Variants in GMDS observed in about 807,000 individuals in gnomAD.
GMDS encodes GDP-mannose 4,6 dehydratase.
In GMDS, 20 loss-of-function variants were observed where a neutral mutation model predicts 49.9. The ratio of observed to expected loss-of-function variants is 0.40; its 90% CI spans 0.28 to 0.58. The LOEUF (loss-of-function observed/expected upper bound fraction) is 0.58, where lower values mean the gene tolerates loss of function less well. Among genes scored for constraint, GMDS ranks in the 20% least tolerant of loss-of-function variants. GMDS has a pLI of 0.42. For synonymous variants in GMDS, 177 were observed against 178.6 expected (o/e 0.99, Z 0.07); for missense variants, 362 against 481.4 (o/e 0.75, Z 2.32).
At chr6:2,000,027 A>C (rs187006762) in intron 4 of GMDS, among the ~76,000 whole-genome samples, 180 of 11,454 alleles carry the variant, frequency 0.016, 13 homozygotes, top group South Asian at 0.04. Context: ...ATATATATAT[A>C]TCTATATCTT....
intron 4 of GMDS, among the ~76,000 whole-genome samples, chr6:2,004,301 T>G (rs1767017865): frequency 6.6e-6 from 1 of 152,180 alleles, no homozygotes; most frequent in Admixed American, 6.5e-5. Context: ...CTGGATATAG[T>G]GCTTTGTGGA....
At chr6:2,030,978 G>A (rs754263539) in intron 4 of GMDS, among the ~76,000 whole-genome samples, 1 of 152,052 alleles carries the variant, frequency 6.6e-6, no homozygotes, top group East Asian at 1.9e-4. Context: ...TCTCTCACAC[G>A]TAAAGATGAT....
chr6:2,109,336 C>T (rs753867945), intron 4 of GMDS, among the ~76,000 whole-genome samples: 28 of 152,072 alleles, frequency 1.8e-4, no homozygotes, highest in Non-Finnish European at 2.9e-4. Context: ...GGTCAGGGGG[C>T]CTCACGGAGA....
At chr6:1,632,071 G>C (rs181714248) in intron 9 of GMDS, among the ~76,000 whole-genome samples, 130 of 152,244 alleles carry the variant, frequency 8.5e-4, no homozygotes, top group African/African-American at 3.1e-3. Context: ...TTCATGAGAG[G>C]AACAAAGTCC....
At chr6:2,209,754 A>C (rs895184849) in intron 1 of GMDS, among the ~76,000 whole-genome samples, 1 of 152,152 alleles carries the variant, frequency 6.6e-6, no homozygotes, top group African/African-American at 2.4e-5. Context: ...ATAATTTTAA[A>C]ATTGGGAGGA....
rs561502140 is a variant in GMDS, at chr6:1,677,340, T to C, written c.987+49076A>G. ...AGAAATAGGATGTGGAGAAATACAC[T>C]GTTGGTGGGACTGTAAACTAGTTCA... On this transcript the variant is annotated intron_variant, in intron 9 of 10. Transcript: ENST00000380815. Among the ~76,000 whole-genome samples the C allele has an allele frequency of 2.0e-5, 3 of 152,332 alleles. No homozygotes were observed. In the East Asian group the frequency reaches 5.8e-4, roughly 29 times the overall value.
chr6:2,084,729 G>A (rs1186184877), intron 4 of GMDS, among the ~76,000 whole-genome samples: 1 of 152,002 alleles, frequency 6.6e-6, no homozygotes, highest in Non-Finnish European at 1.5e-5. Context: ...GGATGGTCTC[G>A]ATCTCCTGAC....
At chr6:1,983,127 G>T (rs1220938196) in intron 4 of GMDS, among the ~76,000 whole-genome samples, 1 of 152,196 alleles carries the variant, frequency 6.6e-6, no homozygotes, top group African/African-American at 2.4e-5. Flanking sequence ...AAGCAATGGG[G>T]AAAGGATTCC....
chr6:1,889,872 C>T (rs1251333149), intron 7 of GMDS, among the ~76,000 whole-genome samples: 2 of 151,890 alleles, frequency 1.3e-5, no homozygotes, highest in Non-Finnish European at 1.5e-5. Flanking sequence ...TAATATGTTG[C>T]CTTTTGGGTC....
intron 1 of GMDS, among the ~76,000 whole-genome samples, chr6:2,139,793 A>C (rs1264987595): frequency 6.6e-6 from 1 of 152,192 alleles, no homozygotes; most frequent in Non-Finnish European, 1.5e-5. Flanking sequence ...GAGATGAGGC[A>C]AGAGATGCAG....
At chr6:1,891,361 T>C (rs1581314128) in intron 7 of GMDS, among the ~76,000 whole-genome samples, 1 of 152,290 alleles carries the variant, frequency 6.6e-6, no homozygotes, top group African/African-American at 2.4e-5. Flanking sequence ...GAAGAGGAGT[T>C]TAATGTGCTG....
At chr6:2,037,677 C>T (rs896240775) in intron 4 of GMDS, among the ~76,000 whole-genome samples, 1 of 152,112 alleles carries the variant, frequency 6.6e-6, no homozygotes, top group Non-Finnish European at 1.5e-5. Context: ...TGTAACATAA[C>T]AAAGCGCCTG....
In GMDS at chr6:1,705,336, C is replaced by T. The variant is rs77851881; in HGVS notation, c.987+21080G>A. ...CACAAAACACACAGGTGGACATTTG[C>T]CCTGTGCTGCCAGGACAGGCTGAGT... On this transcript the variant is annotated intron_variant, in intron 9 of 10. Coordinates refer to ENST00000380815, the MANE Select transcript of GMDS (RefSeq NM_001500.4). Among the ~76,000 whole-genome samples, 1,009 of 152,272 alleles carry T rather than the reference C, an allele frequency of 6.6e-3. 9 individuals carry two copies. The highest frequency in any genetic ancestry group is 0.023 in the African/African-American group (955 of 41,556).
intron 1 of GMDS, among the ~76,000 whole-genome samples, chr6:2,135,048 G>A (rs532581991): frequency 1.3e-5 from 2 of 152,262 alleles, no homozygotes; most frequent in South Asian, 4.1e-4. Context: ...GAGCTAGTTA[G>A]AGAACTTGGC....
At chr6:1,832,370 G>C (rs1005267018) in intron 7 of GMDS, among the ~76,000 whole-genome samples, 23 of 151,476 alleles carry the variant, frequency 1.5e-4, no homozygotes, top group African/African-American at 5.6e-4. Flanking sequence ...TCTAGCCTGG[G>C]GGACGGAGTG....
At chr6:2,054,304 A>G (rs1238061712) in intron 4 of GMDS, among the ~76,000 whole-genome samples, 1 of 152,150 alleles carries the variant, frequency 6.6e-6, no homozygotes, top group Non-Finnish European at 1.5e-5. Context: ...TAAACCATGA[A>G]TGACATCTAA....
At chr6:2,150,997 G>C (rs1776815460) in intron 1 of GMDS, among the ~76,000 whole-genome samples, 1 of 152,062 alleles carries the variant, frequency 6.6e-6, no homozygotes, top group East Asian at 1.9e-4. Flanking sequence ...GATATCCCTA[G>C]ATTTAACGAG....
chr6:2,118,518 A>G (rs1774970664), intron 2 of GMDS, among the ~76,000 whole-genome samples: 1 of 152,364 alleles, frequency 6.6e-6, no homozygotes. Flanking sequence ...AATCCTTGGT[A>G]TGACTCAAAT....
At chr6:1,740,177 ATT>A (rs1767209637) in intron 8 of GMDS, among the ~76,000 whole-genome samples, 1 of 152,196 alleles carries the variant, frequency 6.6e-6, no homozygotes, top group African/African-American at 2.4e-5. Flanking sequence ...TACAATATAA[ATT>A]TGTTAAAATA....
Sources: allele counts gnomAD v4.1 joint callset (sites outside exome capture counted in the v4.1 genomes callset), GRCh38; gene constraint gnomAD v4.1.1; transcripts MANE v1.5; gene names NCBI Gene and HGNC (gene_info 2026-07-23, HGNC 2026-07-21).